The following GRIN2A variants were observed in gnomAD, a reference collection of about 807,000 sequenced individuals.
GRIN2A encodes the protein glutamate receptor ionotropic, NMDA 2A.
In GRIN2A, 22 loss-of-function variants were observed where a neutral mutation model predicts 113.4. The observed-to-expected ratio is 0.19, with a 90% CI of 0.14 to 0.28. The LOEUF (loss-of-function observed/expected upper bound fraction) is 0.28. Ranked by LOEUF, GRIN2A falls within the 10% of genes least tolerant of loss-of-function variation. The pLI, the probability that GRIN2A is intolerant of heterozygous loss-of-function variation, is 1.00. For missense variants in GRIN2A, 1,502 were observed against 1,887.0 expected, an observed-to-expected ratio of 0.80 and a Z score of 3.78; for synonymous variants, 827 against 738.4, an observed-to-expected ratio of 1.12 and a Z score of -1.94.
chr16:9,872,540 G>C (rs1480708196), intron 4 of GRIN2A, among the ~76,000 whole-genome samples: 2 of 152,178 alleles, frequency 1.3e-5, no homozygotes, highest in Non-Finnish European at 2.9e-5. Context: ...TCAGTGAGAT[G>C]ACAATGCCTC....
intron 2 of GRIN2A, among the ~76,000 whole-genome samples, chr16:9,948,462 A>G (rs1002016650): frequency 6.6e-6 from 1 of 152,196 alleles, no homozygotes; most frequent in Admixed American, 6.5e-5. Context: ...GGCATGCCCA[A>G]TATCATGCTG....
chr16:10,151,227 G>C (rs2049562841), intron 2 of GRIN2A, among the ~76,000 whole-genome samples: 1 of 152,266 alleles, frequency 6.6e-6, no homozygotes, highest in African/African-American at 2.4e-5. Context: ...TTTTAATTTT[G>C]AGTAGCATGC....
Position 10,180,751 on chromosome 16 carries a change from G to A in GRIN2A, c.-18-322C>T. On this transcript the variant is annotated intron_variant, in intron 1 of 12. Transcript: ENST00000330684. This position sits in a 1 kb window ranked among gnomAD's most constrained non-coding sequence, Gnocchi z 7.0. ...CCACCGCATTCCCCAAGTTCGCCGCGGGCCACAGACCCTAAGCGCCGCGCG... is the reference window on the plus strand; with the variant it reads ...CCACCGCATTCCCCAAGTTCGCCGCAGGCCACAGACCCTAAGCGCCGCGCG... The A allele has an allele frequency of 2.1e-6, 1 of 479,242 alleles. No homozygotes were observed. Among genetic ancestry groups the A allele is most frequent in the Non-Finnish European group, 3.8e-6 (1 of 260,696 alleles). 29.7% of individuals were successfully genotyped at this position (479,242 alleles called of 1,614,324 possible).
intron 11 of GRIN2A, among the ~76,000 whole-genome samples, chr16:9,790,788 A>C (rs1214646222): frequency 6.6e-6 from 1 of 152,194 alleles, no homozygotes; most frequent in Non-Finnish European, 1.5e-5. Flanking sequence ...AGACTTGCAA[A>C]AGTGTATCTG....
At chr16:9,846,133 A>C (rs541012641) in intron 5 of GRIN2A, among the ~76,000 whole-genome samples, 22 of 152,216 alleles carry the variant, frequency 1.4e-4, no homozygotes, top group Non-Finnish European at 2.5e-4. Context: ...GTTTCACACA[A>C]TTATGAATCA....
At chr16:9,965,749 C>T (rs562366065) in intron 2 of GRIN2A, among the ~76,000 whole-genome samples, 60 of 152,176 alleles carry the variant, frequency 3.9e-4, no homozygotes, top group Non-Finnish European at 7.2e-4. Flanking sequence ...TATTTACATT[C>T]TAAAGCAGGG....
intron 4 of GRIN2A, among the ~76,000 whole-genome samples, chr16:9,886,079 AG>A (rs550739636): frequency 1.3e-3 from 191 of 152,368 alleles, no homozygotes; most frequent in African/African-American, 4.3e-3. Context: ...ATTCTAAGGT[AG>A]CACAGAAAAT....
chr16:10,069,350 G>C (rs1198018458), intron 2 of GRIN2A, among the ~76,000 whole-genome samples: 1 of 152,232 alleles, frequency 6.6e-6, no homozygotes, highest in African/African-American at 2.4e-5. Context: ...TGGGTGGTCA[G>C]GCTGGGCAGC....
At chr16:10,068,456 G>C (rs903574796) in intron 2 of GRIN2A, among the ~76,000 whole-genome samples, 4 of 152,334 alleles carry the variant, frequency 2.6e-5, no homozygotes, top group African/African-American at 4.8e-5. Context: ...GCCAGAGCAG[G>C]AGAGAGTAAG....
At chr16:9,987,839 T>C (rs1001124058) in intron 2 of GRIN2A, among the ~76,000 whole-genome samples, 1 of 152,158 alleles carries the variant, frequency 6.6e-6, no homozygotes, top group African/African-American at 2.4e-5. Context: ...GTCAATTTAA[T>C]ACATTTCGAG....
At chr16:10,168,707 C>T (rs1310074748) in intron 2 of GRIN2A, among the ~76,000 whole-genome samples, 2 of 152,130 alleles carry the variant, frequency 1.3e-5, no homozygotes, top group Non-Finnish European at 2.9e-5. Flanking sequence ...TGGCTAACGC[C>T]TGTAGTCCAG....
intron 2 of GRIN2A, among the ~76,000 whole-genome samples, chr16:10,109,014 TAAAAAA>T (rs56946708): frequency 6.1e-5 from 7 of 114,152 alleles, no homozygotes; most frequent in East Asian, 2.5e-4. Flanking sequence ...TGATTCTCTT[TAAAAAA>T]AAAAAAAAAA....
chr16:9,804,068 C>T (rs1055399146), intron 10 of GRIN2A, among the ~76,000 whole-genome samples: 1 of 152,156 alleles, frequency 6.6e-6, no homozygotes, highest in African/African-American at 2.4e-5. Flanking sequence ...AAAACTCTTG[C>T]CCCTAACATA....
chr16:10,098,318 G>A (rs1036404228), intron 2 of GRIN2A, among the ~76,000 whole-genome samples: 3 of 152,162 alleles, frequency 2.0e-5, no homozygotes, highest in African/African-American at 7.2e-5. Flanking sequence ...CATTGGCATG[G>A]ATGTGGTGAA....
chr16:9,954,499 T>C (rs546117519), intron 2 of GRIN2A, among the ~76,000 whole-genome samples: 14 of 152,220 alleles, frequency 9.2e-5, no homozygotes, highest in African/African-American at 2.9e-4. Context: ...CAGAGCTTAT[T>C]AAAAACTCAA....
chr16:10,083,724 T>A (rs2048030315), intron 2 of GRIN2A, among the ~76,000 whole-genome samples: 3 of 152,338 alleles, frequency 2.0e-5, no homozygotes, highest in African/African-American at 7.2e-5. Context: ...TAAGAAGTCT[T>A]CTTGAATTCT....
At chr16:10,092,926 C>T (rs1254727526) in intron 2 of GRIN2A, among the ~76,000 whole-genome samples, 1 of 151,252 alleles carries the variant, frequency 6.6e-6, no homozygotes, top group Admixed American at 6.6e-5. Flanking sequence ...GCAGCCTCTG[C>T]CTCCTGGGTT....
chr16:9,803,897 T>TG (rs1319214250), intron 10 of GRIN2A, among the ~76,000 whole-genome samples: 3 of 152,094 alleles, frequency 2.0e-5, no homozygotes, highest in East Asian at 1.9e-4. Context: ...AAAATTCAGA[T>TG]GGGGGGTTTT....
Position 9,990,582 on chromosome 16 carries a change from C to G in GRIN2A, c.415-52031G>C, listed in dbSNP as rs867388209. The stretch of plus-strand genomic sequence containing the variant: ...GCGCGCGCACACACACACACACACA[C>G]ACACACACACACACACGGTTGATGG... On this transcript the variant is annotated intron_variant, in intron 2 of 12. Coordinates refer to ENST00000330684, the MANE Select transcript of GRIN2A (RefSeq NM_001134407.3). Among the ~76,000 whole-genome samples the G allele has an allele frequency of 2.6e-5, 4 of 151,784 alleles. No individual in the cohort carries two copies. In the South Asian group the frequency reaches 6.3e-4, roughly 24 times the overall value.
Sources: gnomAD v4.1 joint callset for allele counts (sites outside exome capture counted in the v4.1 genomes callset) on GRCh38, gnomAD v4.1.1 for gene constraint, Gnocchi (gnomAD v3.1) non-coding constraint, MANE v1.5 for transcripts, NCBI Gene and HGNC (gene_info 2026-07-23, HGNC 2026-07-21) for gene names.